SEMA4F: variants seen among roughly 807,000 people sequenced by gnomAD.
SEMA4F encodes the protein ssemaphorin 4F.
In SEMA4F, 51 loss-of-function variants were observed where a neutral mutation model predicts 78.4. The ratio of observed to expected loss-of-function variants is 0.65; its 90% CI spans 0.52 to 0.82. The LOEUF is 0.82. Ranked by LOEUF, SEMA4F falls within the 40% of genes least tolerant of loss-of-function variation. The pLI, the probability that SEMA4F is intolerant of heterozygous loss-of-function variation, is 0.00. For missense variants in SEMA4F, 938 were observed against 1,014.4 expected (o/e 0.92, Z 1.02); for synonymous variants, 418 against 408.7 (o/e 1.02, Z -0.27).
intron 4 of SEMA4F, among the ~76,000 whole-genome samples, chr2:74,659,694 C>T (rs1331914562): frequency 1.3e-5 from 2 of 152,186 alleles, no homozygotes; most frequent in Non-Finnish European, 2.9e-5. Flanking sequence ...TGAAAGTTCT[C>T]TTCTGCCTTA....
chr2:74,654,466 C>A lies in SEMA4F; in HGVS notation c.90C>A (p.Gly30=). The A allele has an allele frequency of 1.3e-6, 2 of 1,574,552 alleles. No homozygotes were observed. The highest frequency in any genetic ancestry group is 1.2e-5 in the South Asian group (1 of 86,578). Reference sequence around the variant, plus strand: ...TACTGCTGCTGGCGGTGCTGAGCGGCCCGGTATCCGGCCGCGTCCCCCGCT... The same window carrying A: ...TACTGCTGCTGGCGGTGCTGAGCGGACCGGTATCCGGCCGCGTCCCCCGCT... ...FPLLLLAVLS[G]PVSGRVPRSV... Residue 30 remains glycine, a synonymous_variant, in exon 1 of 14, where the codon GGC becomes GGA. Transcript: ENST00000357877.
chr2:74,670,745 C>T (rs1055007971), intron 5 of SEMA4F, among the ~76,000 whole-genome samples: 11 of 152,316 alleles, frequency 7.2e-5, no homozygotes, highest in African/African-American at 2.6e-4. Flanking sequence ...AAACTCTGGC[C>T]TCTGTGTCAA....
chr2:74,666,051 G>A (rs1684680665), intron 5 of SEMA4F, among the ~76,000 whole-genome samples: 1 of 152,056 alleles, frequency 6.6e-6, no homozygotes, highest in Admixed American at 6.5e-5. Flanking sequence ...GAGATTACAG[G>A]CGCCCACCAC....
intron 4 of SEMA4F, among the ~76,000 whole-genome samples, chr2:74,660,295 A>C (rs1684361895): frequency 6.6e-6 from 1 of 152,234 alleles, no homozygotes; most frequent in Admixed American, 6.5e-5. Flanking sequence ...CTGTTCCACT[A>C]TCCTGTCCCT....
the SEMA4F span, among the ~76,000 whole-genome samples, chr2:74,707,317 C>G: frequency 8.5e-5 from 13 of 152,114 alleles, no homozygotes; most frequent in African/African-American, 3.1e-4. Flanking sequence ...TCTTAAATGG[C>G]TAGGCAAAAC....
intron 4 of SEMA4F, 62 bp from the exon 5 acceptor site, chr2:74,662,670 G>C (rs1684485947): frequency 2.2e-6 from 3 of 1,352,454 alleles, no homozygotes; most frequent in Non-Finnish European, 3.2e-6. Flanking sequence ...GACCATCTTT[G>C]TAATTCTCAC....
chr2:74,702,417 A>G, the SEMA4F span, among the ~76,000 whole-genome samples: 1 of 152,218 alleles, frequency 6.6e-6, no homozygotes, highest in African/African-American at 2.4e-5. Context: ...AACTTTGTCA[A>G]TCAGACATTG....
downstream of SEMA4F, among the ~76,000 whole-genome samples, chr2:74,684,383 A>G (rs1330532740): frequency 6.6e-6 from 1 of 152,022 alleles, no homozygotes; most frequent in Non-Finnish European, 1.5e-5. Flanking sequence ...CCACACTTTT[A>G]GTGGCTTAAA....
the SEMA4F span, among the ~76,000 whole-genome samples, chr2:74,707,247 G>C: frequency 1.3e-5 from 2 of 152,126 alleles, no homozygotes; most frequent in African/African-American, 4.8e-5. Flanking sequence ...AAAGATCCTT[G>C]TTCTTAAAAG....
chr2:74,685,827 G>A (rs532021291), downstream of SEMA4F, among the ~76,000 whole-genome samples: 3 of 152,168 alleles, frequency 2.0e-5, no homozygotes, highest in Non-Finnish European at 4.4e-5. Flanking sequence ...GACAAAGGGC[G>A]AATATCCAGG....
At position 74,680,336 on chromosome 2, in the gene SEMA4F, T is replaced by G. The variant is rs1685549307; in HGVS notation, c.*127T>G. ...TTCTCTTTGAGTATGAGTGATTACTTGGATTTTAGTATCTGTTCTCTCTGA... is the reference window on the plus strand; with the variant it reads ...TTCTCTTTGAGTATGAGTGATTACTGGGATTTTAGTATCTGTTCTCTCTGA... On this transcript the variant is annotated 3_prime_UTR_variant, in exon 14 of 14. Coordinates refer to ENST00000357877, the MANE Select transcript of SEMA4F (RefSeq NM_004263.5). 1 of 1,090,408 alleles carries G rather than the reference T, an allele frequency of 9.2e-7. No individual in the cohort carries two copies. Among genetic ancestry groups the G allele is most frequent in the Non-Finnish European group, 1.3e-6 (1 of 773,742 alleles). 67.5% of individuals were successfully genotyped at this position (1,090,408 alleles called of 1,614,324 possible). A position where few individuals can be genotyped will look rare whatever the true frequency, so the allele number is the denominator to read the frequency against.
chr2:74,658,057 G>C lies in SEMA4F; in HGVS notation c.456+106G>C. On this transcript the variant is annotated intron_variant, in intron 4 of 13. Transcript: ENST00000357877. The surrounding 1 kb of genome is among the most constrained non-coding windows in gnomAD (Gnocchi z 4.3). ...GGGTTTTCTGTGAGCGACCATGATGGGGGCATGGTCAAGGCAACCATTGTG... is the reference window on the plus strand; with the variant it reads ...GGGTTTTCTGTGAGCGACCATGATGCGGGCATGGTCAAGGCAACCATTGTG... 1 of 992,490 alleles carries C rather than the reference G, an allele frequency of 1.0e-6. No homozygotes were observed. The highest frequency in any genetic ancestry group is 1.6e-6 in the Non-Finnish European group (1 of 629,496). 61.5% of individuals were successfully genotyped at this position (992,490 alleles called of 1,614,324 possible).
At position 74,675,209 on chromosome 2, in the gene SEMA4F, C is replaced by G; in HGVS notation, c.1197C>G (p.Ser399=). Residue 399 remains serine (S), a synonymous_variant, in exon 10 of 14, where the codon TCC becomes TCG. Coordinates refer to ENST00000357877, the MANE Select transcript of SEMA4F (RefSeq NM_004263.5). ...TCCGGCACTTTGGCTCATCTCTCTC[C>G]CTGCCTGACCGCGTACTCACCTTCA... ...MKLRHFGSSL[S]LPDRVLTFIR... 1.9e-6 allele frequency: 3 copies of G among 1,614,170 alleles called. No homozygotes were observed. Among genetic ancestry groups the G allele is most frequent in the Non-Finnish European group, 2.5e-6 (3 of 1,180,024 alleles).
At position 74,680,239 on chromosome 2, in the gene SEMA4F, T is replaced by G; in HGVS notation, c.*30T>G. The stretch of plus-strand genomic sequence containing the variant: ...GGGCAAATGACCACTAGTGTATAAG[T>G]GATCACTGGAACGGAGTGACCACTG... On this transcript the variant is annotated 3_prime_UTR_variant, in exon 14 of 14. Coordinates refer to ENST00000357877, the MANE Select transcript of SEMA4F (RefSeq NM_004263.5). The G allele has an allele frequency of 6.5e-7, 1 of 1,527,150 alleles. No homozygotes were observed. Among genetic ancestry groups the G allele is most frequent in the Non-Finnish European group, 8.8e-7 (1 of 1,134,068 alleles). 94.6% of individuals were successfully genotyped at this position (1,527,150 alleles called of 1,614,324 possible).
chr2:74,673,597 C>T (rs775305770), intron 6 of SEMA4F, 21 bp downstream of exon 6: 3 of 1,613,850 alleles, frequency 1.9e-6, no homozygotes, highest in Admixed American at 3.3e-5. Context: ...GGAGAGGGGT[C>T]CTCTGGGGAG....
At chr2:74,671,296 C>T (rs1028170592) in intron 5 of SEMA4F, among the ~76,000 whole-genome samples, 3 of 152,226 alleles carry the variant, frequency 2.0e-5, no homozygotes, top group Non-Finnish European at 4.4e-5. Context: ...TTGTTCTCTG[C>T]ATAGAGTGTT....
the SEMA4F span, among the ~76,000 whole-genome samples, chr2:74,699,712 G>C: frequency 2.0e-5 from 3 of 152,252 alleles, no homozygotes; most frequent in African/African-American, 7.2e-5. Context: ...GAGAAGGAGC[G>C]GTTGGAGAGG....
the SEMA4F span, among the ~76,000 whole-genome samples, chr2:74,693,715 T>G: frequency 2.1e-4 from 32 of 152,308 alleles, no homozygotes; most frequent in Admixed American, 6.5e-4. Context: ...GTAGCATGCT[T>G]TATAACCTGT....
chr2:74,678,364 C>T (rs1685404212), intron 12 of SEMA4F, among the ~76,000 whole-genome samples: 1 of 152,156 alleles, frequency 6.6e-6, no homozygotes, highest in South Asian at 2.1e-4. Flanking sequence ...TGTGAAGTTC[C>T]TGTGGCAACA....
Sources: allele counts gnomAD v4.1 joint callset (sites outside exome capture counted in the v4.1 genomes callset), GRCh38; gene constraint gnomAD v4.1.1; non-coding constraint Gnocchi (gnomAD v3.1); transcripts MANE v1.5; gene names NCBI Gene and HGNC (gene_info 2026-07-23, HGNC 2026-07-21).